Variants in HNRNPM observed in about 807,000 individuals in gnomAD.
The protein encoded by HNRNPM is CEA receptor.
In HNRNPM, 11 loss-of-function variants were observed where a neutral mutation model predicts 73.1. That is an observed-to-expected ratio of 0.15 (90% confidence interval 0.09 to 0.25). HNRNPM has a LOEUF of 0.25. Ranked by LOEUF, HNRNPM falls within the 10% of genes least tolerant of loss-of-function variation. HNRNPM has a pLI of 1.00. For missense variants in HNRNPM, 789 were observed against 1,067.9 expected (o/e 0.74, Z 3.64); for synonymous variants, 407 against 355.2 (o/e 1.15, Z -1.64).
In HNRNPM at chr19:8,474,172, G is replaced by A; in HGVS notation, c.1048G>A (p.Glu350Lys). The change falls in exon 12 of 16, where the codon GAG becomes AAG. Residue 350 changes from glutamate to lysine, a missense_variant. Coordinates refer to ENST00000325495, the MANE Select transcript of HNRNPM (RefSeq NM_005968.5). ...GFGINKMGGMEGPFGGGMENM... is the reference protein window; with the variant it reads ...GFGINKMGGMKGPFGGGMENM... The stretch of plus-strand genomic sequence containing the variant: ...AATGTGAACCTCTCTTGCAGGAATG[G>A]AGGGGCCCTTTGGTGGTGGTATGGA... The A allele has an allele frequency of 1.9e-6, 3 of 1,594,276 alleles. No homozygotes were observed. The highest frequency in any genetic ancestry group is 2.6e-6 in the Non-Finnish European group (3 of 1,171,610).
intron 1 of HNRNPM, 190 bp downstream of exon 1, chr19:8,445,301 C>A (rs992603339): frequency 8.3e-5 from 38 of 456,218 alleles, no homozygotes; most frequent in Non-Finnish European, 1.2e-4. Flanking sequence ...CCAGAATCGT[C>A]CCCTACACCG....
chr19:8,451,711 T>C (rs139031128), intron 1 of HNRNPM, among the ~76,000 whole-genome samples: 36 of 152,048 alleles, frequency 2.4e-4, no homozygotes, highest in Admixed American at 1.2e-3. Context: ...GTATTTTTTT[T>C]GTAGGGACAC....
chr19:8,475,903 CTCTTTTTT>C (rs1466786807), intron 12 of HNRNPM, among the ~76,000 whole-genome samples: 3 of 105,452 alleles, frequency 2.8e-5, no homozygotes, highest in Non-Finnish European at 5.8e-5. Flanking sequence ...CCCCATCTCT[CTCTTTTTT>C]TTTTTTTTTT....
At chr19:8,449,895 G>C (rs1027371627) in intron 1 of HNRNPM, among the ~76,000 whole-genome samples, 1 of 152,306 alleles carries the variant, frequency 6.6e-6, no homozygotes, top group East Asian at 1.9e-4. Context: ...CCGAGGCCTA[G>C]TGACGACATG....
rs1239772717 is a variant in HNRNPM at position 8,462,283 on chromosome 19, C to T, written c.284-246C>T. On this transcript the variant is annotated intron_variant, in intron 2 of 15. Transcript: ENST00000325495. This position sits in a 1 kb window ranked among gnomAD's most constrained non-coding sequence, Gnocchi z 4.5. ...AGTCTTCCAGACAGGGAAATTGATA[C>T]GGAAATCTGTGGAATAGCTTGTTTG... 3.4e-5 allele frequency: 16 copies of T among 464,584 alleles called. No individual in the cohort carries two copies. The highest frequency in any genetic ancestry group is 4.7e-5 in the Non-Finnish European group (12 of 254,022). 28.8% of individuals were successfully genotyped at this position (464,584 alleles called of 1,614,324 possible). A position where few individuals can be genotyped will look rare whatever the true frequency, so the allele number is the denominator to read the frequency against.
chr19:8,474,817 T>C (rs1970392136), intron 12 of HNRNPM, among the ~76,000 whole-genome samples: 1 of 151,322 alleles, frequency 6.6e-6, no homozygotes, highest in African/African-American at 2.4e-5. Context: ...CAGGTTCAAG[T>C]GATTCTCCTG....
chr19:8,466,650 C>G (rs1411121524), intron 7 of HNRNPM, among the ~76,000 whole-genome samples: 2 of 151,854 alleles, frequency 1.3e-5, no homozygotes, highest in Admixed American at 6.6e-5. Flanking sequence ...CATGGTGAAA[C>G]CCCGGCTCTA....
chr19:8,484,448 C>T (rs1050694089), intron 13 of HNRNPM, among the ~76,000 whole-genome samples: 8 of 152,242 alleles, frequency 5.3e-5, no homozygotes, highest in African/African-American at 1.7e-4. Context: ...ACTGGGATTA[C>T]AGGCATGAGC....
intron 12 of HNRNPM, among the ~76,000 whole-genome samples, chr19:8,475,657 T>C (rs1232466266): frequency 6.6e-6 from 1 of 152,196 alleles, no homozygotes; most frequent in East Asian, 1.9e-4. Context: ...CCATTAGTAA[T>C]AAAGCAACAG....
At chr19:8,470,366 C>T (rs1354161416) in intron 9 of HNRNPM, among the ~76,000 whole-genome samples, 9 of 152,138 alleles carry the variant, frequency 5.9e-5, no homozygotes, top group South Asian at 2.1e-4. Flanking sequence ...CTCGCTCTGT[C>T]GCCCAGGCTG....
chr19:8,479,206 C>T (rs1970735440), intron 12 of HNRNPM, among the ~76,000 whole-genome samples: 1 of 149,504 alleles, frequency 6.7e-6, no homozygotes, highest in Non-Finnish European at 1.5e-5. Context: ...CTGCTTCAGA[C>T]TCTTGAGTAG....
chr19:8,484,762 C>T (rs17160522), intron 13 of HNRNPM, among the ~76,000 whole-genome samples: 2,300 of 152,210 alleles, frequency 0.015, 76 homozygotes, highest in African/African-American at 0.053. Context: ...CAGAGGCAAG[C>T]GACAGGGTTT....
At position 8,483,162 on chromosome 19, in the gene HNRNPM, C is replaced by G. The variant is rs1971038920; in HGVS notation, c.1125C>G (p.Ile375Met). Residue 375 changes from isoleucine to methionine, a missense_variant, in exon 13 of 16, where the codon ATC becomes ATG. Around this residue, in one of 4 missense-constraint regions of HNRNPM, gnomAD observed 604 missense variants for 744.0 expected, o/e 0.81. Coordinates refer to ENST00000325495, the MANE Select transcript of HNRNPM (RefSeq NM_005968.5). ...SGMNMGRINEILSNALKRGEI... is the reference protein window; with the variant it reads ...SGMNMGRINEMLSNALKRGEI... ...TTTTCTTCCTGATTTCCTTAGAAATCCTAAGTAATGCACTGAAGAGAGGAG... is the reference window on the plus strand; with the variant it reads ...TTTTCTTCCTGATTTCCTTAGAAATGCTAAGTAATGCACTGAAGAGAGGAG... 2 of 1,607,950 alleles carry G rather than the reference C, an allele frequency of 1.2e-6. No individual in the cohort carries two copies. The highest frequency in any genetic ancestry group is 1.7e-6 in the Non-Finnish European group (2 of 1,176,058).
Position 8,444,976 on chromosome 19 carries a change from C to A in HNRNPM, c.-23C>A. The A allele has an allele frequency of 7.2e-7, 1 of 1,381,710 alleles. No individual in the cohort carries two copies. The highest frequency in any genetic ancestry group is 3.0e-5 in the East Asian group (1 of 33,482). The allele number at this position is 1,381,710 out of a possible 1,614,324, so 85.6% of individuals were successfully genotyped here. A position where few individuals can be genotyped will look rare whatever the true frequency, so the allele number is the denominator to read the frequency against. On this transcript the variant is annotated 5_prime_UTR_variant, in exon 1 of 16. Coordinates refer to ENST00000325495, the MANE Select transcript of HNRNPM (RefSeq NM_005968.5). ...CAGCGCGGTGCAGCCCGTTCGCTCA[C>A]ACAAAGCCCAGACGCGGAGAAAATG...
chr19:8,474,950 T>C (rs1970401917), intron 12 of HNRNPM, among the ~76,000 whole-genome samples: 1 of 152,134 alleles, frequency 6.6e-6, no homozygotes, highest in Non-Finnish European at 1.5e-5. Flanking sequence ...CCTGACTTCA[T>C]GTGATCCGCC....
At chr19:8,453,037 G>C (rs532238737) in intron 1 of HNRNPM, among the ~76,000 whole-genome samples, 2 of 152,024 alleles carry the variant, frequency 1.3e-5, no homozygotes, top group Non-Finnish European at 2.9e-5. Context: ...TAAAGACAGG[G>C]TCTTATTTGT....
intron 10 of HNRNPM, among the ~76,000 whole-genome samples, chr19:8,472,312 T>G (rs1436266912): frequency 6.6e-6 from 1 of 152,198 alleles, no homozygotes; most frequent in African/African-American, 2.4e-5. Context: ...GACCTTAGAC[T>G]TTGGTCTTTG....
At chr19:8,482,042 G>A (rs1480909065) in intron 12 of HNRNPM, among the ~76,000 whole-genome samples, 2 of 147,428 alleles carry the variant, frequency 1.4e-5, no homozygotes, top group African/African-American at 2.5e-5. Flanking sequence ...GCACGATCTC[G>A]GCTCACTGCA....
chr19:8,489,001 G>A lies in HNRNPM; in HGVS notation c.*147G>A. 1 of 728,008 alleles carries A rather than the reference G, an allele frequency of 1.4e-6. No homozygotes were observed. Among genetic ancestry groups the A allele is most frequent in the East Asian group, 2.7e-5 (1 of 36,814 alleles). The allele number at this position is 728,008 out of a possible 1,614,324, so 45.1% of individuals were successfully genotyped here. A position where few individuals can be genotyped will look rare whatever the true frequency, so the allele number is the denominator to read the frequency against. ...AATTTGAATTACTTTTTTAATGACTGGGGTTCCATTTGACTGTTTGCATTG... is the reference window on the plus strand; with the variant it reads ...AATTTGAATTACTTTTTTAATGACTAGGGTTCCATTTGACTGTTTGCATTG... On this transcript the variant is annotated 3_prime_UTR_variant, in exon 16 of 16. Transcript: ENST00000325495.
Sources: gnomAD v4.1 joint callset for allele counts (sites outside exome capture counted in the v4.1 genomes callset) on GRCh38, gnomAD v4.1.1 for gene constraint, gnomAD v4.1.1 regional missense constraint, Gnocchi (gnomAD v3.1) non-coding constraint, MANE v1.5 for transcripts, NCBI Gene and HGNC (gene_info 2026-07-23, HGNC 2026-07-21) for gene names.